Variants in HERC1 observed in about 807,000 individuals in gnomAD.
HERC1 encodes the protein probable E3 ubiquitin-protein ligase HERC1.
HERC1 carries 160 observed loss-of-function variants against 554.3 expected under a neutral mutation model. The ratio of observed to expected loss-of-function variants is 0.29; its 90% CI spans 0.25 to 0.33. The LOEUF (loss-of-function observed/expected upper bound fraction) is 0.33, where lower values mean the gene tolerates loss of function less well. HERC1 is among the 10% of genes least tolerant of loss of function. The pLI is 1.00. For synonymous variants in HERC1, 2,175 were observed against 2,131.7 expected, an observed-to-expected ratio of 1.02 and a Z score of -0.56; for missense variants, 4,919 against 5,918.5, an observed-to-expected ratio of 0.83 and a Z score of 5.54.
Position 63,753,037 on chromosome 15 carries a change from A to G in HERC1, c.1823T>C (p.Ile608Thr), listed in dbSNP as rs556294234. The G allele has an allele frequency of 1.9e-5, 30 of 1,613,152 alleles. No individual in the cohort carries two copies. Among genetic ancestry groups the G allele is most frequent in the South Asian group, 4.4e-5 (4 of 91,002 alleles). The change falls in exon 8 of 78, where the codon ATT (isoleucine) becomes ACT (threonine). Residue 608 changes from isoleucine to threonine, a missense_variant. By Grantham distance (89) the Ile-to-Thr change is moderately conservative. This residue lies in a region of HERC1 where 744 missense variants were observed against 1,090.0 expected (regional missense o/e 0.68). Coordinates refer to ENST00000443617, the MANE Select transcript of HERC1 (RefSeq NM_003922.4). ...DTNRVYKPKV[I>T]EALQGMFIRK... ...AATGAACATTCCTTGTAAAGCTTCA[A>G]TAACTTTAGGTTTATACACTCTGTT... is the stretch of plus-strand genomic sequence containing the variant.
chr15:63,696,406 A>G (rs2072415265), intron 26 of HERC1, 67 bp from the exon 27 acceptor site: 2 of 1,107,486 alleles, frequency 1.8e-6, no homozygotes, highest in East Asian at 2.6e-5. Flanking sequence ...CTGTATGCCA[A>G]AAACAGTATT....
intron 1 of HERC1, among the ~76,000 whole-genome samples, chr15:63,813,834 G>T (rs766192954): frequency 6.6e-6 from 1 of 152,176 alleles, no homozygotes; most frequent in Non-Finnish European, 1.5e-5. Flanking sequence ...TTGGGAGGCC[G>T]AGGCAGGTGG....
At chr15:63,829,561 GTATATATATATATATA>G (rs60037018) in intron 1 of HERC1, among the ~76,000 whole-genome samples, 4 of 81,762 alleles carry the variant, frequency 4.9e-5, no homozygotes, top group South Asian at 3.8e-4. Context: ...GTGTGTGTGT[GTATATATATATATATA>G]TATATATATA....
chr15:63,642,308 C>T (rs755331278), intron 59 of HERC1, among the ~76,000 whole-genome samples: 1 of 152,186 alleles, frequency 6.6e-6, no homozygotes, highest in African/African-American at 2.4e-5. Context: ...CTTTGCAATG[C>T]TTCTCCTTTT....
intron 22 of HERC1, among the ~76,000 whole-genome samples, chr15:63,715,723 T>C (rs1202551569): frequency 1.3e-5 from 2 of 152,246 alleles, no homozygotes; most frequent in African/African-American, 4.8e-5. Context: ...AAAAACTTGA[T>C]ACTTCTCTTT....
rs376755573 is a variant in HERC1, at chr15:63,674,783, C to A, written c.7405G>T (p.Asp2469Tyr). 2.9e-5 allele frequency: 47 copies of A among 1,613,748 alleles called. No homozygotes were observed. The highest frequency in any genetic ancestry group is 3.9e-5 in the Non-Finnish European group (46 of 1,179,864). The change falls in exon 38 of 78, where the codon GAT becomes TAT. Residue 2469 changes from aspartate to tyrosine, a missense_variant. Physicochemically the swap from Asp to Tyr is radical, Grantham distance 160 (BLOSUM62 -3). Transcript: ENST00000443617. Reference protein sequence around the residue: ...SENEIASFSLDPTLPSVESQH... With the variant: ...SENEIASFSLYPTLPSVESQH... ...GATTCCACACTTGGCAGTGTTGGAT[C>A]TAAAGAAAATGAAGCGATTTCATTT...
At chr15:63,658,093 T>C (rs768989951) in intron 48 of HERC1, among the ~76,000 whole-genome samples, 6 of 152,242 alleles carry the variant, frequency 3.9e-5, no homozygotes, top group East Asian at 3.8e-4. Context: ...TAAATACTCC[T>C]GCTTAATCAC....
intron 8 of HERC1, among the ~76,000 whole-genome samples, chr15:63,751,488 A>G (rs1229014929): frequency 6.6e-6 from 1 of 152,186 alleles, no homozygotes; most frequent in Non-Finnish European, 1.5e-5. Context: ...TCACTCAGTA[A>G]GGCCTACATA....
intron 2 of HERC1, among the ~76,000 whole-genome samples, chr15:63,767,007 G>GTTT (rs556722173): frequency 8.3e-6 from 1 of 120,540 alleles, no homozygotes; most frequent in African/African-American, 3.1e-5. Context: ...TTTTTCATTT[G>GTTT]TTTTTTTTTT....
intron 1 of HERC1, among the ~76,000 whole-genome samples, chr15:63,823,070 G>A (rs2077760152): frequency 6.6e-6 from 1 of 152,004 alleles, no homozygotes; most frequent in East Asian, 1.9e-4. Context: ...TCATGTCATG[G>A]GGGTTTGTTG....
At chr15:63,725,610 A>T (rs2074008635) in intron 17 of HERC1, 97 bp from the exon 18 acceptor site, 2 of 848,764 alleles carry the variant, frequency 2.4e-6, no homozygotes, top group African/African-American at 1.7e-5. Context: ...TAAGATACTG[A>T]TGCAAAATAT....
At chr15:63,795,828 C>T (rs954758607) in intron 1 of HERC1, among the ~76,000 whole-genome samples, 9 of 152,246 alleles carry the variant, frequency 5.9e-5, no homozygotes, top group African/African-American at 1.2e-4. Context: ...GTATTTGTCC[C>T]GACTGGCTAG....
At chr15:63,737,052 G>A (rs2074537281) in intron 12 of HERC1, among the ~76,000 whole-genome samples, 1 of 151,694 alleles carries the variant, frequency 6.6e-6, no homozygotes, top group African/African-American at 2.4e-5. Flanking sequence ...ACAAAAATTA[G>A]TATCTTCAAA....
chr15:63,635,954 G>C lies in HERC1; in HGVS notation c.12414+7C>G. ...TGAAAGGCAAACTTATCCATTTCCT[G>C]CCTGACCTGCACCACTTCTTCTCCT... On this transcript the variant is annotated splice_region_variant and intron_variant, in intron 65 of 77. Transcript: ENST00000443617. The C allele has an allele frequency of 6.2e-7, 1 of 1,613,252 alleles. No homozygotes were observed. The highest frequency in any genetic ancestry group is 1.1e-5 in the South Asian group (1 of 90,948).
intron 53 of HERC1, 95 bp downstream of exon 53, chr15:63,651,158 A>C: frequency 9.0e-7 from 1 of 1,106,940 alleles, no homozygotes. Flanking sequence ...GTGAATTTCA[A>C]GGTGAAGAGA....
chr15:63,726,990 T>G (rs2074069166), intron 17 of HERC1, among the ~76,000 whole-genome samples: 1 of 152,070 alleles, frequency 6.6e-6, no homozygotes, highest in Non-Finnish European at 1.5e-5. Flanking sequence ...TAGAAAAGAA[T>G]AAACTGGCCA....
intron 1 of HERC1, among the ~76,000 whole-genome samples, chr15:63,786,563 A>C (rs2076452202): frequency 6.6e-6 from 1 of 152,272 alleles, no homozygotes; most frequent in Non-Finnish European, 1.5e-5. Flanking sequence ...GTGGAATATT[A>C]TTCAGCCATA....
chr15:63,642,495 G>A (rs770416228), intron 59 of HERC1, among the ~76,000 whole-genome samples: 4 of 152,166 alleles, frequency 2.6e-5, no homozygotes, highest in African/African-American at 7.2e-5. Flanking sequence ...GTGCCACCAC[G>A]CCTGGCTAAT....
intron 1 of HERC1, among the ~76,000 whole-genome samples, chr15:63,825,412 T>C (rs1007602317): frequency 1.3e-5 from 2 of 152,216 alleles, no homozygotes; most frequent in South Asian, 2.1e-4. Context: ...AAAGTAACTA[T>C]GTGAGATGAT....
Sources: gnomAD v4.1 joint callset for allele counts (sites outside exome capture counted in the v4.1 genomes callset) on GRCh38, gnomAD v4.1.1 for gene constraint, gnomAD v4.1.1 regional missense constraint, MANE v1.5 for transcripts, NCBI Gene and HGNC (gene_info 2026-07-23, HGNC 2026-07-21) for gene names.